The following DIAPH2 variants were observed in gnomAD, a reference collection of about 807,000 sequenced individuals.
DIAPH2 encodes diaphanous related formin 2.
Under a neutral mutation model 92.7 loss-of-function variants are expected in DIAPH2, and 35 were observed. The observed-to-expected ratio is 0.38, with a 90% CI of 0.29 to 0.50. DIAPH2 has a LOEUF of 0.50. Among genes scored for constraint, DIAPH2 ranks in the 20% least tolerant of loss-of-function variants. The probability of loss-of-function intolerance (pLI) is 0.94; values close to 1 mark genes in which losing one functional copy is unlikely to be tolerated. For missense variants in DIAPH2, 701 were observed against 819.5 expected, an observed-to-expected ratio of 0.86 and a Z score of 1.77; for synonymous variants, 301 against 280.4, an observed-to-expected ratio of 1.07 and a Z score of -0.73.
intron 22 of DIAPH2, among the ~76,000 whole-genome samples, chrX:97,213,322 A>C (rs1225709808): frequency 9.0e-6 from 1 of 111,370 alleles, no homozygotes; most frequent in Non-Finnish European, 1.9e-5. Flanking sequence ...CTTCTTTCCT[A>C]TTTTTTTCCC....
At chrX:97,526,405 T>G (rs2071024430) in intron 26 of DIAPH2, among the ~76,000 whole-genome samples, 1 of 109,423 alleles carries the variant, frequency 9.1e-6, no homozygotes, top group Non-Finnish European at 1.9e-5. Flanking sequence ...TCTCTTCTTG[T>G]TGAATCCATG....
intron 22 of DIAPH2, among the ~76,000 whole-genome samples, chrX:97,182,828 T>C (rs555579230): frequency 1.8e-5 from 2 of 111,174 alleles, no homozygotes; most frequent in East Asian, 5.6e-4. Context: ...TAGCTAGAGT[T>C]GCTTAATAGG....
At chrX:97,494,148 T>TAC (rs1263785202) in intron 26 of DIAPH2, among the ~76,000 whole-genome samples, 9 of 103,840 alleles carry the variant, frequency 8.7e-5, no homozygotes, top group South Asian at 4.4e-4. Context: ...TATATATGTA[T>TAC]ACACACACAC....
chrX:96,807,076 A>G (rs896285946), intron 4 of DIAPH2, among the ~76,000 whole-genome samples: 4 of 112,193 alleles, frequency 3.6e-5, no homozygotes, highest in African/African-American at 1.3e-4. Context: ...CCACTTTAAC[A>G]TTAGCTCATT....
intron 22 of DIAPH2, among the ~76,000 whole-genome samples, chrX:97,159,454 C>G (rs960123938): frequency 4.5e-5 from 5 of 111,961 alleles, no homozygotes; most frequent in African/African-American, 1.6e-4. Context: ...GTCCTTGTAG[C>G]CAAGAAACTC....
At position 97,437,761 on chromosome X, in the gene DIAPH2, T is replaced by TACACAC. The variant is rs58161143; in HGVS notation, c.3241+8045_3241+8050dup. Among the ~76,000 whole-genome samples, 405 of 95,742 alleles carry TACACAC rather than the reference T, an allele frequency of 4.2e-3. 3 individuals are homozygous for TACACAC. The highest frequency in any genetic ancestry group is 9.2e-3 in the African/African-American group (242 of 26,286). 83.1% of individuals were successfully genotyped at this position (95,742 alleles called of 115,157 possible). On this transcript the variant is annotated intron_variant, in intron 26 of 26. Coordinates refer to ENST00000324765, the MANE Select transcript of DIAPH2 (RefSeq NM_006729.5). ...TTTAAAGTAAAGGATTACATGATTT[T>TACACAC]ACACACACACACACACACACACACA...
chrX:97,456,783 G>C (rs779912065), intron 26 of DIAPH2, among the ~76,000 whole-genome samples: 26 of 111,543 alleles, frequency 2.3e-4, no homozygotes, highest in African/African-American at 8.5e-4. Context: ...ATCAATTCAT[G>C]ATCAATTTTG....
chrX:97,019,867 G>C (rs2066285951), intron 17 of DIAPH2, among the ~76,000 whole-genome samples: 1 of 111,960 alleles, frequency 8.9e-6, no homozygotes, highest in African/African-American at 3.2e-5. Context: ...AACTAAGGCT[G>C]TTAGTGAAGT....
At chrX:97,220,943 A>G (rs942619848) in intron 22 of DIAPH2, among the ~76,000 whole-genome samples, 13 of 111,785 alleles carry the variant, frequency 1.2e-4, no homozygotes, top group African/African-American at 3.9e-4. Context: ...AACAACCCTG[A>G]TAATAATATA....
At chrX:96,765,126 T>C (rs1173214219) in intron 4 of DIAPH2, among the ~76,000 whole-genome samples, 3 of 110,846 alleles carry the variant, frequency 2.7e-5, no homozygotes, top group Non-Finnish European at 5.7e-5. Context: ...GTGGTTTCAT[T>C]TTCTGTTTCA....
intron 18 of DIAPH2, among the ~76,000 whole-genome samples, chrX:97,074,093 A>T (rs760439917): frequency 8.9e-6 from 1 of 112,132 alleles, no homozygotes; most frequent in Non-Finnish European, 1.9e-5. Flanking sequence ...AAAAAAAGAA[A>T]ACAAAATTCT....
At chrX:97,065,919 T>G (rs768442442) in intron 17 of DIAPH2, among the ~76,000 whole-genome samples, 1 of 111,935 alleles carries the variant, frequency 8.9e-6, no homozygotes, top group African/African-American at 3.2e-5. Flanking sequence ...GTAAAAATTT[T>G]AAAAAAGTTG....
intron 22 of DIAPH2, among the ~76,000 whole-genome samples, chrX:97,150,658 A>G (rs907004562): frequency 9.9e-5 from 11 of 111,586 alleles, no homozygotes; most frequent in Admixed American, 1.9e-4. Context: ...CTACCTTTCA[A>G]TGGCTTCTCA....
intron 9 of DIAPH2, among the ~76,000 whole-genome samples, chrX:96,930,303 G>A (rs755679892): frequency 4.5e-5 from 5 of 110,625 alleles, no homozygotes; most frequent in Middle Eastern, 4.6e-3. Flanking sequence ...ACTGTTCCCT[G>A]TTTAATATTA....
intron 4 of DIAPH2, among the ~76,000 whole-genome samples, chrX:96,852,574 A>G (rs1391834342): frequency 1.8e-5 from 2 of 111,551 alleles, no homozygotes; most frequent in Non-Finnish European, 3.8e-5. Context: ...TTGAGTTAAC[A>G]TATTGGCCTG....
chrX:96,850,747 G>C lies in DIAPH2; in HGVS notation c.448-30832G>C, dbSNP rs146531860. The stretch of plus-strand genomic sequence containing the variant: ...CCATTGTATAAACTGAGATCAGTAA[G>C]AACTGTTATTATGCCATATGTTTCT... On this transcript the variant is annotated intron_variant, in intron 4 of 26. Transcript: ENST00000324765. Among the ~76,000 whole-genome samples the C allele has an allele frequency of 1.7e-3, 190 of 111,018 alleles. 2 individuals are homozygous for C. The highest frequency in any genetic ancestry group is 5.9e-3 in the African/African-American group (182 of 30,770).
At chrX:97,024,274 G>A (rs2066316838) in intron 17 of DIAPH2, among the ~76,000 whole-genome samples, 1 of 112,211 alleles carries the variant, frequency 8.9e-6, no homozygotes, top group African/African-American at 3.2e-5. Context: ...TGCATTTAAT[G>A]TTATCAGTTA....
chrX:97,296,212 G>A (rs923386755), intron 23 of DIAPH2, among the ~76,000 whole-genome samples: 1 of 111,217 alleles, frequency 9.0e-6, no homozygotes, highest in Admixed American at 9.7e-5. Flanking sequence ...CCCAAGCATG[G>A]CTAGGTGTAT....
intron 22 of DIAPH2, among the ~76,000 whole-genome samples, chrX:97,180,681 A>G (rs897102110): frequency 5.4e-5 from 6 of 111,912 alleles, no homozygotes; most frequent in Admixed American, 9.5e-5. Flanking sequence ...TAATTTTTGT[A>G]TAAGGTGTAA....
Sources: allele counts gnomAD v4.1 joint callset (sites outside exome capture counted in the v4.1 genomes callset), GRCh38; gene constraint gnomAD v4.1.1; transcripts MANE v1.5; gene names NCBI Gene and HGNC (gene_info 2026-07-23, HGNC 2026-07-21).